Variants in RPS6KA6 observed in about 807,000 individuals in gnomAD.
RPS6KA6 encodes the protein ribosomal protein S6 kinase alpha-6.
A neutral mutation model predicts 65.4 loss-of-function variants in RPS6KA6; 27 were observed. The ratio of observed to expected loss-of-function variants is 0.41; its 90% CI spans 0.30 to 0.57. The LOEUF (loss-of-function observed/expected upper bound fraction) is 0.57, where lower values mean the gene tolerates loss of function less well. Among genes scored for constraint, RPS6KA6 ranks in the 20% least tolerant of loss-of-function variants. The pLI, the probability that RPS6KA6 is intolerant of heterozygous loss-of-function variation, is 0.24. For synonymous variants in RPS6KA6, 190 were observed against 184.2 expected (o/e 1.03, Z -0.26); for missense variants, 486 against 555.6 (o/e 0.87, Z 1.26).
chrX:84,087,319 T>C (rs1271282579), intron 20 of RPS6KA6, among the ~76,000 whole-genome samples: 3 of 111,630 alleles, frequency 2.7e-5, no homozygotes, highest in East Asian at 2.8e-4. Context: ...ATTTAGTGCT[T>C]CCTTCGGGAG....
intron 3 of RPS6KA6, among the ~76,000 whole-genome samples, chrX:84,148,698 A>G (rs1018792264): frequency 2.7e-5 from 3 of 111,109 alleles, no homozygotes; most frequent in African/African-American, 9.8e-5. Context: ...TTATGACCCT[A>G]TATACCTTAA....
chrX:84,161,382 C>T (rs1226124502), intron 2 of RPS6KA6, among the ~76,000 whole-genome samples: 1 of 111,541 alleles, frequency 9.0e-6, no homozygotes, highest in East Asian at 2.8e-4. Flanking sequence ...TAGTGGCTGA[C>T]CAACATTTTT....
intron 20 of RPS6KA6, among the ~76,000 whole-genome samples, chrX:84,080,099 C>T (rs1266263927): frequency 9.1e-6 from 1 of 109,671 alleles, no homozygotes; most frequent in Non-Finnish European, 1.9e-5. Flanking sequence ...CTGGCAGGTG[C>T]CCCTAACACC....
chrX:84,097,912 T>C, intron 18 of RPS6KA6, 64 bp from the exon 19 acceptor site: 2 of 777,537 alleles, frequency 2.6e-6, no homozygotes, highest in Non-Finnish European at 3.7e-6. Context: ...CCCAAAGAAG[T>C]TGTTTTACTT....
At chrX:84,089,638 C>T (rs948706408) in intron 20 of RPS6KA6, among the ~76,000 whole-genome samples, 10 of 110,506 alleles carry the variant, frequency 9.0e-5, no homozygotes, top group Non-Finnish European at 1.9e-4. Flanking sequence ...TGCAAAGATC[C>T]ATGGGAGAAG....
At chrX:84,080,571 G>A (rs112735971) in intron 20 of RPS6KA6, among the ~76,000 whole-genome samples, 2,205 of 98,433 alleles carry the variant, frequency 0.022, 76 homozygotes, top group African/African-American at 0.077. Context: ...AGATCAACAC[G>A]ACAGAAAATT....
At chrX:84,136,257 G>T (rs753944181) in intron 6 of RPS6KA6, among the ~76,000 whole-genome samples, 119 of 111,043 alleles carry the variant, frequency 1.1e-3, no homozygotes, top group Non-Finnish European at 1.9e-3. Flanking sequence ...GAAACCTCTG[G>T]ATTATTAAGA....
rs1244421793 is a variant in RPS6KA6, at chrX:84,162,626, C to T, written c.141+1702G>A. Among the ~76,000 whole-genome samples the T allele has an allele frequency of 7.1e-5, 8 of 112,014 alleles. No homozygotes were observed. The East Asian group carries it at 1.7e-3, about 24-fold the overall frequency. On this transcript the variant is annotated intron_variant, in intron 2 of 21. Transcript: ENST00000262752. ...TATAAAGGTAAATATTTGCCAATCA[C>T]CCTGTGTATGTGTCCTTGAGTTTAT...
intron 20 of RPS6KA6, among the ~76,000 whole-genome samples, chrX:84,073,496 T>A (rs1315183843): frequency 9.0e-6 from 1 of 110,950 alleles, no homozygotes; most frequent in Non-Finnish European, 1.9e-5. Context: ...AATTCAAAAA[T>A]ACAGGCAAGA....
chrX:84,105,925 G>A, intron 15 of RPS6KA6, 49 bp from the exon 16 acceptor site: 1 of 709,133 alleles, frequency 1.4e-6, no homozygotes, highest in Non-Finnish European at 2.2e-6. Context: ...AAATTATTTT[G>A]TCTAAAATGA....
At chrX:84,086,362 T>C (rs2033921655) in intron 20 of RPS6KA6, among the ~76,000 whole-genome samples, 1 of 111,696 alleles carries the variant, frequency 9.0e-6, no homozygotes, top group South Asian at 3.7e-4. Context: ...TGTCTCTTTG[T>C]TTTCATTAGT....
chrX:84,114,316 C>G (rs2034524560), intron 12 of RPS6KA6, among the ~76,000 whole-genome samples: 1 of 110,038 alleles, frequency 9.1e-6, no homozygotes, highest in South Asian at 4.1e-4. Flanking sequence ...ACCGAGACCT[C>G]ATCTTTACCA....
At chrX:84,067,285 T>C (rs1029387959) in intron 20 of RPS6KA6, among the ~76,000 whole-genome samples, 4 of 111,540 alleles carry the variant, frequency 3.6e-5, no homozygotes, top group African/African-American at 1.3e-4. Flanking sequence ...TATTGACGAA[T>C]TGACAGAAGT....
chrX:84,086,436 T>C (rs1350527890), intron 20 of RPS6KA6, among the ~76,000 whole-genome samples: 1 of 111,972 alleles, frequency 8.9e-6, no homozygotes, highest in Non-Finnish European at 1.9e-5. Flanking sequence ...TCAGGAGTAG[T>C]TTCTTCAATT....
chrX:84,120,076 T>C (rs768220929), intron 8 of RPS6KA6, 49 bp from the exon 9 acceptor site: 2 of 960,825 alleles, frequency 2.1e-6, no homozygotes, highest in Non-Finnish European at 1.4e-6. Flanking sequence ...CTTCAGAAAA[T>C]AGAAAACGTC....
chrX:84,070,126 G>A (rs1165187456), intron 20 of RPS6KA6, among the ~76,000 whole-genome samples: 6 of 111,759 alleles, frequency 5.4e-5, no homozygotes, highest in South Asian at 3.7e-4. Context: ...TTATTGCAGC[G>A]CTATTTACAA....
intron 8 of RPS6KA6, among the ~76,000 whole-genome samples, chrX:84,127,718 C>T (rs1313604911): frequency 2.7e-5 from 3 of 110,067 alleles, no homozygotes; most frequent in Non-Finnish European, 5.7e-5. Flanking sequence ...ACAAAAACCA[C>T]ATGATGATTT....
At chrX:84,125,050 A>C (rs185712424) in intron 8 of RPS6KA6, among the ~76,000 whole-genome samples, 2 of 112,198 alleles carry the variant, frequency 1.8e-5, no homozygotes, top group Admixed American at 1.9e-4. Flanking sequence ...TATAACTGGC[A>C]AAACATATTT....
In RPS6KA6 at chrX:84,187,975, C is replaced by CCCG. The variant is rs751602149; in HGVS notation, c.-79_-77dup. The CCCG allele has an allele frequency of 0.021, 15,719 of 747,545 alleles. 224 individuals carry two copies. Among genetic ancestry groups the CCCG allele is most frequent in the East Asian group, 0.12 (2,128 of 17,868 alleles). 61.6% of individuals were successfully genotyped at this position (747,545 alleles called of 1,213,427 possible). A position where few individuals can be genotyped will look rare whatever the true frequency, so the allele number is the denominator to read the frequency against. ...CCGCGCATCCTGTCTATTGAACTGG[C>CCCG]CCGCCGCCGCCGCCGCCGCCGCCGC... On this transcript the variant is annotated 5_prime_UTR_variant, in exon 1 of 22. Transcript: ENST00000262752.
Sources: allele counts gnomAD v4.1 joint callset (sites outside exome capture counted in the v4.1 genomes callset), GRCh38; gene constraint gnomAD v4.1.1; transcripts MANE v1.5; gene names NCBI Gene and HGNC (gene_info 2026-07-23, HGNC 2026-07-21).